NALF1: variants seen among roughly 807,000 people sequenced by gnomAD.
The protein encoded by NALF1 is NALCN channel auxiliary factor 1.
In NALF1, 3 loss-of-function variants were observed where a neutral mutation model predicts 48.4. That is an observed-to-expected ratio of 0.06 (90% CI 0.03 to 0.16). NALF1 has a LOEUF of 0.16. NALF1 is among the 10% of genes least tolerant of loss of function. The pLI is 1.00. For synonymous variants in NALF1, 262 were observed against 245.7 expected (o/e 1.07, Z -0.62); for missense variants, 526 against 571.5 (o/e 0.92, Z 0.81).
At chr13:107,811,803 G>A (rs529990279) in intron 1 of NALF1, among the ~76,000 whole-genome samples, 4 of 152,228 alleles carry the variant, frequency 2.6e-5, no homozygotes, top group Admixed American at 2.6e-4. Flanking sequence ...CCATGATAAT[G>A]ACATTAATCC....
intron 2 of NALF1, among the ~76,000 whole-genome samples, chr13:107,206,545 T>C (rs1178420864): frequency 2.6e-5 from 4 of 152,218 alleles, no homozygotes; most frequent in Admixed American, 1.3e-4. Flanking sequence ...ATTTAGTAAG[T>C]GTGACCAAAA....
At chr13:107,549,023 A>T (rs1338251781) in intron 1 of NALF1, among the ~76,000 whole-genome samples, 3 of 152,160 alleles carry the variant, frequency 2.0e-5, no homozygotes, top group Non-Finnish European at 2.9e-5. Flanking sequence ...TAGATGTGTA[A>T]TATGAGCTTT....
chr13:107,819,695 C>G (rs9559167), intron 1 of NALF1, among the ~76,000 whole-genome samples: 38,867 of 147,504 alleles, frequency 0.26, 6,419 homozygotes, highest in East Asian at 0.48. Context: ...CTCTCTCTCT[C>G]TCTCTCTCTC....
chr13:107,442,469 T>C (rs1884577097), intron 1 of NALF1, among the ~76,000 whole-genome samples: 1 of 152,210 alleles, frequency 6.6e-6, no homozygotes, highest in Non-Finnish European at 1.5e-5. Context: ...GGAGTATCTT[T>C]CAATTTTTCA....
chr13:107,587,926 G>C (rs1034078512), intron 1 of NALF1, among the ~76,000 whole-genome samples: 1 of 152,026 alleles, frequency 6.6e-6, no homozygotes, highest in African/African-American at 2.4e-5. Context: ...GTATCTCCAG[G>C]ACCTAGCACA....
chr13:107,808,039 G>C (rs956348882), intron 1 of NALF1, among the ~76,000 whole-genome samples: 3 of 152,086 alleles, frequency 2.0e-5, no homozygotes, highest in Admixed American at 6.6e-5. Context: ...GAATCTTTAA[G>C]AGAAAAATGA....
At chr13:107,227,200 C>T (rs865831768) in intron 1 of NALF1, among the ~76,000 whole-genome samples, 2 of 152,148 alleles carry the variant, frequency 1.3e-5, no homozygotes, top group East Asian at 1.9e-4. Context: ...TCATGATACC[C>T]GCATTTCGGC....
intron 1 of NALF1, among the ~76,000 whole-genome samples, chr13:107,314,567 T>C (rs183047571): frequency 6.6e-6 from 1 of 152,294 alleles, no homozygotes; most frequent in Admixed American, 6.6e-5. Flanking sequence ...GAATAGAATG[T>C]ACTCTTGACT....
At position 107,851,382 on chromosome 13, in the gene NALF1, C is replaced by T. The variant is rs536622239; in HGVS notation, c.915+14300G>A. Among the ~76,000 whole-genome samples the T allele has an allele frequency of 6.6e-5, 10 of 151,626 alleles. No individual in the cohort carries two copies. The East Asian group carries it at 1.6e-3, about 24-fold the overall frequency. On this transcript the variant is annotated intron_variant, in intron 1 of 2. Coordinates refer to ENST00000375915, the MANE Select transcript of NALF1 (RefSeq NM_001080396.3). ...TTTAAGTGGCCAGATTAAGGAGACA[C>T]ATCCCCACTGCAAGCTATGGAGTGA...
chr13:107,333,801 G>T (rs557558232), intron 1 of NALF1, among the ~76,000 whole-genome samples: 1 of 152,298 alleles, frequency 6.6e-6, no homozygotes, highest in African/African-American at 2.4e-5. Flanking sequence ...TTTACCTGAG[G>T]GGATAGAGAA....
chr13:107,564,480 C>T (rs1297248312), intron 1 of NALF1, among the ~76,000 whole-genome samples: 2 of 152,160 alleles, frequency 1.3e-5, no homozygotes, highest in Non-Finnish European at 1.5e-5. Context: ...GTGCACCTTT[C>T]CTAGTTCACC....
rs537992903 is a variant in NALF1 at position 107,300,342 on chromosome 13, C to A, written c.916-89587G>T. On this transcript the variant is annotated intron_variant, in intron 1 of 2. Transcript: ENST00000375915. ...AAATTTCCAAACCAGGATAAACACACGATATGAATATATTCCCTGCATTTG... is the reference window on the plus strand; with the variant it reads ...AAATTTCCAAACCAGGATAAACACAAGATATGAATATATTCCCTGCATTTG... Among the ~76,000 whole-genome samples the A allele has an allele frequency of 6.6e-5, 10 of 152,266 alleles. No individual in the cohort carries two copies. The South Asian group carries it at 1.9e-3, about 28-fold the overall frequency.
chr13:107,490,553 G>A (rs1167616654), intron 1 of NALF1, among the ~76,000 whole-genome samples: 1 of 152,110 alleles, frequency 6.6e-6, no homozygotes, highest in South Asian at 2.1e-4. Context: ...ACACACTGCA[G>A]CCTATCATAG....
At chr13:107,779,533 C>T (rs1392919198) in intron 1 of NALF1, among the ~76,000 whole-genome samples, 2 of 152,182 alleles carry the variant, frequency 1.3e-5, no homozygotes, top group African/African-American at 2.4e-5. Flanking sequence ...AGGAGATTCT[C>T]CTCCTATTCC....
At chr13:107,775,456 T>G (rs1877704394) in intron 1 of NALF1, among the ~76,000 whole-genome samples, 1 of 151,810 alleles carries the variant, frequency 6.6e-6, no homozygotes, top group South Asian at 2.1e-4. Context: ...AGTCTATCAT[T>G]GTTGGACATT....
intron 1 of NALF1, among the ~76,000 whole-genome samples, chr13:107,467,203 T>C (rs1181293789): frequency 6.6e-6 from 1 of 151,776 alleles, no homozygotes; most frequent in Non-Finnish European, 1.5e-5. Flanking sequence ...GAGAGCAGAT[T>C]ACATAATTCC....
intron 2 of NALF1, among the ~76,000 whole-genome samples, chr13:107,199,596 T>C (rs1185171592): frequency 1.3e-5 from 2 of 152,174 alleles, no homozygotes; most frequent in African/African-American, 4.8e-5. Context: ...GGGGTACCTA[T>C]TCAAAATGTA....
chr13:107,819,840 T>C lies in NALF1; in HGVS notation c.915+45842A>G, dbSNP rs191301395. Among the ~76,000 whole-genome samples the C allele has an allele frequency of 6.9e-4, 105 of 152,156 alleles. 1 individual carries two copies. Among genetic ancestry groups the C allele is most frequent in the East Asian group, 2.3e-3 (12 of 5,168 alleles). Reference sequence around the variant, plus strand: ...CTCCTCTTTCTTCTCTCATATTTTATAATCTGTACCTTGTAGTAGCGCTTG... The same window carrying C: ...CTCCTCTTTCTTCTCTCATATTTTACAATCTGTACCTTGTAGTAGCGCTTG... On this transcript the variant is annotated intron_variant, in intron 1 of 2. Transcript: ENST00000375915.
At chr13:107,510,761 C>T (rs1875861428) in intron 1 of NALF1, among the ~76,000 whole-genome samples, 1 of 152,148 alleles carries the variant, frequency 6.6e-6, no homozygotes. Context: ...ACCACGAGCT[C>T]TGCATTCACA....
Sources: allele counts gnomAD v4.1 joint callset (sites outside exome capture counted in the v4.1 genomes callset), GRCh38; gene constraint gnomAD v4.1.1; transcripts MANE v1.5; gene names NCBI Gene and HGNC (gene_info 2026-07-23, HGNC 2026-07-21).